The following CRIM1 variants were observed in gnomAD, a reference collection of about 807,000 sequenced individuals.
The protein encoded by CRIM1 is cysteine-rich motor neuron 1 protein.
In CRIM1, 32 loss-of-function variants were observed where a neutral mutation model predicts 116.4. The ratio of observed to expected loss-of-function variants is 0.27; its 90% CI spans 0.21 to 0.37. The LOEUF (loss-of-function observed/expected upper bound fraction) is 0.37, where lower values mean the gene tolerates loss of function less well. Among genes scored for constraint, CRIM1 ranks in the 10% least tolerant of loss-of-function variants. The probability of loss-of-function intolerance (pLI) is 1.00; values close to 1 mark genes in which losing one functional copy is unlikely to be tolerated. For synonymous variants in CRIM1, 590 were observed against 509.2 expected (o/e 1.16, Z -2.13); for missense variants, 1,331 against 1,354.8 (o/e 0.98, Z 0.28).
At chr2:36,445,462 A>G (rs1311553829) in intron 4 of CRIM1, among the ~76,000 whole-genome samples, 1 of 152,210 alleles carries the variant, frequency 6.6e-6, no homozygotes, top group Non-Finnish European at 1.5e-5. Context: ...CCCACTGCCT[A>G]GAAACTTCCC....
chr2:36,357,635 T>C (rs1668942153), intron 1 of CRIM1, among the ~76,000 whole-genome samples: 3 of 152,110 alleles, frequency 2.0e-5, no homozygotes, highest in African/African-American at 4.8e-5. Flanking sequence ...GGGGGCACGG[T>C]TCGGTAAGCA....
rs997160983 is a variant in CRIM1, at chr2:36,550,021, ATGTGTGTGTGAGAGTATGTATGTGTG to A, written c.*1331_*1356del. 4.6e-5 allele frequency: 7 copies of A among 151,098 alleles called. No individual in the cohort carries two copies. The highest frequency in any genetic ancestry group is 9.8e-5 in the African/African-American group (4 of 40,634). 9.4% of individuals were successfully genotyped at this position (151,098 alleles called of 1,614,324 possible). A position where few individuals can be genotyped will look rare whatever the true frequency, so the allele number is the denominator to read the frequency against. ...TTCTACCTGCAGTTTAATTGGAAAG[ATGTGTGTGTGAGAGTATGTATGTGTG>A]TGTGTGTGTGTGTGTGTGTGCGCGC... On this transcript the variant is annotated 3_prime_UTR_variant, in exon 17 of 17. Transcript: ENST00000280527.
At chr2:36,487,350 G>C (rs943215409) in intron 7 of CRIM1, among the ~76,000 whole-genome samples, 7 of 152,144 alleles carry the variant, frequency 4.6e-5, no homozygotes, top group African/African-American at 1.7e-4. Context: ...TTCAAGTGAA[G>C]TGTTTTTCCT....
intron 5 of CRIM1, among the ~76,000 whole-genome samples, chr2:36,472,324 C>A (rs1295670796): frequency 6.6e-6 from 1 of 152,156 alleles, no homozygotes; most frequent in Non-Finnish European, 1.5e-5. Context: ...CCACAGGTAG[C>A]CTTTTTATCA....
At chr2:36,378,301 A>C (rs1054369443) in intron 1 of CRIM1, 43 of 470,922 alleles carry the variant, frequency 9.1e-5, no homozygotes, top group Non-Finnish European at 1.9e-4. Context: ...CTTGTGAGGA[A>C]GTTTTGTTCA....
At chr2:36,525,382 T>A (rs1440424977) in intron 13 of CRIM1, among the ~76,000 whole-genome samples, 1 of 152,200 alleles carries the variant, frequency 6.6e-6, no homozygotes, top group Non-Finnish European at 1.5e-5. Flanking sequence ...AAGTCCTGAC[T>A]TCCAGTCAGC....
At chr2:36,384,216 G>T (rs928818607) in intron 1 of CRIM1, among the ~76,000 whole-genome samples, 1 of 152,238 alleles carries the variant, frequency 6.6e-6, no homozygotes, top group Admixed American at 6.5e-5. Flanking sequence ...GGATGTTCCA[G>T]ACAGAGGGAA....
chr2:36,490,923 T>C (rs1680184723), intron 7 of CRIM1, among the ~76,000 whole-genome samples: 2 of 152,198 alleles, frequency 1.3e-5, no homozygotes, highest in South Asian at 4.1e-4. Flanking sequence ...TCAGCACGTG[T>C]GCATTCTGCT....
At chr2:36,427,287 G>A (rs539323137) in intron 2 of CRIM1, among the ~76,000 whole-genome samples, 22 of 152,258 alleles carry the variant, frequency 1.4e-4, no homozygotes, top group Non-Finnish European at 2.8e-4. Context: ...CATTTGCTAG[G>A]TAGGAGATCT....
chr2:36,515,845 T>C (rs1044347900), intron 11 of CRIM1, among the ~76,000 whole-genome samples: 1 of 152,258 alleles, frequency 6.6e-6, no homozygotes, highest in African/African-American at 2.4e-5. Flanking sequence ...CTCTAAGCCC[T>C]TTTTGAAAGC....
In CRIM1 at chr2:36,356,559, T is replaced by C; in HGVS notation, c.267T>C (p.Arg89=). The C allele has an allele frequency of 6.2e-7, 1 of 1,612,460 alleles. No individual in the cohort carries two copies. The highest frequency in any genetic ancestry group is 8.5e-7 in the Non-Finnish European group (1 of 1,179,800). ...GIYGTCDRGL[R]CVIRPPLNGD... ...ACGGAACCTGCGACCGGGGGCTGCG[T>C]TGTGTCATCCGCCCCCCGCTCAATG... The change falls in exon 1 of 17, where the codon CGT becomes CGC. Residue 89 remains arginine (R), a synonymous_variant. Coordinates refer to ENST00000280527, the MANE Select transcript of CRIM1 (RefSeq NM_016441.3). The surrounding 1 kb of genome is among the most constrained non-coding windows in gnomAD (Gnocchi z 4.3).
chr2:36,422,064 G>A lies in CRIM1; in HGVS notation c.506-19194G>A, dbSNP rs531042866. 2.0e-5 allele frequency among the ~76,000 whole-genome samples: 3 copies of A among 151,596 alleles called. No individual in the cohort carries two copies. The East Asian group carries it at 5.8e-4, about 29-fold the overall frequency. On this transcript the variant is annotated intron_variant, in intron 2 of 16. Coordinates refer to ENST00000280527, the MANE Select transcript of CRIM1 (RefSeq NM_016441.3). ...GTATATCTCATGAACTGCCTTTAAAGAAAATGTCAAAAGGAACATTACAGA... is the reference window on the plus strand; with the variant it reads ...GTATATCTCATGAACTGCCTTTAAAAAAAATGTCAAAAGGAACATTACAGA...
At chr2:36,380,322 G>A (rs1474991559) in intron 1 of CRIM1, among the ~76,000 whole-genome samples, 2 of 152,112 alleles carry the variant, frequency 1.3e-5, no homozygotes, top group African/African-American at 4.8e-5. Flanking sequence ...GTACTCTTGT[G>A]TCAGAGGGAT....
chr2:36,422,685 A>G (rs528953366), intron 2 of CRIM1, among the ~76,000 whole-genome samples: 2 of 152,344 alleles, frequency 1.3e-5, no homozygotes, highest in East Asian at 3.9e-4. Flanking sequence ...TGTGGTATAA[A>G]TCAGCTTCAT....
intron 1 of CRIM1, among the ~76,000 whole-genome samples, chr2:36,395,267 G>T (rs1369344717): frequency 6.6e-6 from 1 of 152,088 alleles, no homozygotes; most frequent in East Asian, 1.9e-4. Flanking sequence ...CTCCCAAAAC[G>T]CTGGGATTAC....
At chr2:36,511,553 A>C (rs1664681864) in intron 9 of CRIM1, among the ~76,000 whole-genome samples, 1 of 152,230 alleles carries the variant, frequency 6.6e-6, no homozygotes, top group Non-Finnish European at 1.5e-5. Context: ...GTATCATGAC[A>C]GTTCAGAATC....
chr2:36,406,095 A>G lies in CRIM1; in HGVS notation c.505+9308A>G, dbSNP rs571170930. Among the ~76,000 whole-genome samples the G allele has an allele frequency of 4.6e-5, 7 of 152,346 alleles. No individual in the cohort carries two copies. In the South Asian group the frequency reaches 1.4e-3, roughly 32 times the overall value. On this transcript the variant is annotated intron_variant, in intron 2 of 16. Coordinates refer to ENST00000280527, the MANE Select transcript of CRIM1 (RefSeq NM_016441.3). The stretch of plus-strand genomic sequence containing the variant: ...CCATTATTTCAAAATATTTCCTAAT[A>G]TGTTATTGACTGTATTAGAAATAAT...
At chr2:36,503,537 G>GC (rs1424049772) in intron 8 of CRIM1, among the ~76,000 whole-genome samples, 5 of 115,076 alleles carry the variant, frequency 4.3e-5, no homozygotes, top group Admixed American at 1.0e-4. Context: ...CAGCGTCCCC[G>GC]CCCCCCTTTG....
At chr2:36,372,840 C>T (rs1362213022) in intron 1 of CRIM1, among the ~76,000 whole-genome samples, 4 of 152,144 alleles carry the variant, frequency 2.6e-5, no homozygotes, top group Non-Finnish European at 5.9e-5. Flanking sequence ...AGGAGAGAAG[C>T]TGGAACTGAT....
Sources: gnomAD v4.1 joint callset for allele counts (sites outside exome capture counted in the v4.1 genomes callset) on GRCh38, gnomAD v4.1.1 for gene constraint, Gnocchi (gnomAD v3.1) non-coding constraint, MANE v1.5 for transcripts, NCBI Gene and HGNC (gene_info 2026-07-23, HGNC 2026-07-21) for gene names.